Variants in DIXDC1 observed in about 807,000 individuals in gnomAD.
DIXDC1 encodes the protein dixin.
DIXDC1 carries 64 observed loss-of-function variants against 103.1 expected under a neutral mutation model. The observed-to-expected ratio is 0.62, with a 90% confidence interval of 0.51 to 0.76. DIXDC1 has a LOEUF of 0.76. Ranked by LOEUF, DIXDC1 falls within the 30% of genes least tolerant of loss-of-function variation. DIXDC1 has a pLI of 0.00. For synonymous variants in DIXDC1, 266 were observed against 298.5 expected, an observed-to-expected ratio of 0.89 and a Z score of 1.12; for missense variants, 759 against 834.2, an observed-to-expected ratio of 0.91 and a Z score of 1.11.
Position 111,937,436 on chromosome 11 carries a change from G to A in DIXDC1, c.-64G>A, listed in dbSNP as rs1966244671. The A allele has an allele frequency of 1.2e-5, 18 of 1,547,226 alleles. No individual in the cohort carries two copies. The highest frequency in any genetic ancestry group is 1.6e-5 in the Non-Finnish European group (18 of 1,145,572). ...CCGAGAGCCTTTGTGTGCAGAGGGA[G>A]GAGGAGGAGGCGGCGGCGGCCGCCG... On this transcript the variant is annotated 5_prime_UTR_variant, in exon 1 of 20. Transcript: ENST00000440460.
rs1202193877 is a variant in DIXDC1, at chr11:112,020,150, G to A, written c.*1114G>A. ...GTAAAAAAAACCTAGAATCATTTCT[G>A]ATGTGCAACATTGTCAAGTGAAGAA... On this transcript the variant is annotated 3_prime_UTR_variant, in exon 20 of 20. Transcript: ENST00000440460. 6.6e-6 allele frequency: 1 copy of A among 152,458 alleles called. No homozygotes were observed. The highest frequency in any genetic ancestry group is 2.4e-5 in the African/African-American group (1 of 41,414). 9.4% of individuals were successfully genotyped at this position (152,458 alleles called of 1,614,324 possible).
intron 8 of DIXDC1, 139 bp from the exon 9 acceptor site, chr11:111,986,732 A>G (rs1366036394): frequency 2.7e-5 from 16 of 594,242 alleles, no homozygotes; most frequent in Non-Finnish European, 4.3e-5. Context: ...CTTACATCAG[A>G]GAGCAGGAAC....
At chr11:111,999,146 G>T (rs1285308022) in intron 17 of DIXDC1, among the ~76,000 whole-genome samples, 1 of 152,154 alleles carries the variant, frequency 6.6e-6, no homozygotes, top group African/African-American at 2.4e-5. Flanking sequence ...CAAGGCAAAT[G>T]TTTCTCATTC....
intron 1 of DIXDC1, among the ~76,000 whole-genome samples, chr11:111,950,438 ATTTTTTTTTTTTTTTTTTT>A (rs59473485): frequency 8.6e-4 from 13 of 15,166 alleles, no homozygotes; most frequent in Non-Finnish European, 1.2e-3. Context: ...ATATATATAT[ATTTTTTTTTTTTTTTTTTT>A]TTTTTTTTTT....
chr11:111,962,156 T>C (rs1859601549), intron 1 of DIXDC1, among the ~76,000 whole-genome samples: 1 of 151,962 alleles, frequency 6.6e-6, no homozygotes, highest in Non-Finnish European at 1.5e-5. Context: ...GAAAGCTTTC[T>C]GAAAAAAGTG....
intron 1 of DIXDC1, among the ~76,000 whole-genome samples, chr11:111,956,227 G>A (rs1859360792): frequency 6.6e-6 from 1 of 152,114 alleles, no homozygotes; most frequent in Non-Finnish European, 1.5e-5. Flanking sequence ...TAAGTGGAGG[G>A]GGAATTTCAG....
chr11:111,944,194 G>T (rs1399605107), intron 1 of DIXDC1, among the ~76,000 whole-genome samples: 3 of 152,096 alleles, frequency 2.0e-5, no homozygotes, highest in African/African-American at 7.2e-5. Context: ...CAGGTATCTG[G>T]TTTCACTGTA....
intron 1 of DIXDC1, among the ~76,000 whole-genome samples, chr11:111,949,279 CT>C (rs1966697106): frequency 6.6e-6 from 1 of 152,040 alleles, no homozygotes; most frequent in African/African-American, 2.4e-5. Flanking sequence ...TGTGGAACAT[CT>C]ATACTCTGGT....
Position 111,977,848 on chromosome 11 carries a change from G to A in DIXDC1, c.656+2865G>A. The A allele has an allele frequency of 1.3e-6, 2 of 1,525,256 alleles. No homozygotes were observed. The highest frequency in any genetic ancestry group is 1.8e-6 in the Non-Finnish European group (2 of 1,134,794). The allele number at this position is 1,525,256 out of a possible 1,614,324, so 94.5% of individuals were successfully genotyped here. A position where few individuals can be genotyped will look rare whatever the true frequency, so the allele number is the denominator to read the frequency against. On this transcript the variant is annotated intron_variant, in intron 5 of 19. Transcript: ENST00000440460. This position sits in a 1 kb window ranked among gnomAD's most constrained non-coding sequence, Gnocchi z 6.1. ...GTGGGGGGCCTGGGTGGGAACAGGGGCAGGGCTGGAGGATGCTGTTGGCCG... is the reference window on the plus strand; with the variant it reads ...GTGGGGGGCCTGGGTGGGAACAGGGACAGGGCTGGAGGATGCTGTTGGCCG...
intron 2 of DIXDC1, among the ~76,000 whole-genome samples, chr11:111,966,381 C>T (rs782361545): frequency 8.7e-5 from 13 of 149,200 alleles, no homozygotes; most frequent in Non-Finnish European, 1.8e-4. Flanking sequence ...CACCACCACG[C>T]CAAGCTAATT....
At chr11:112,013,608 C>A (rs1349676851) in intron 17 of DIXDC1, among the ~76,000 whole-genome samples, 1 of 152,110 alleles carries the variant, frequency 6.6e-6, no homozygotes, top group African/African-American at 2.4e-5. Context: ...AAATCTCAGT[C>A]ATTGTTTACT....
chr11:112,008,692 G>C (rs1861316481), intron 17 of DIXDC1, among the ~76,000 whole-genome samples: 2 of 152,166 alleles, frequency 1.3e-5, no homozygotes, highest in African/African-American at 4.8e-5. Flanking sequence ...TGAACAACCT[G>C]CTCCTGAATG....
At position 111,995,513 on chromosome 11, in the gene DIXDC1, C is replaced by G; in HGVS notation, c.1638C>G (p.Ser546Arg). Residue 546 changes from serine (S) to arginine (R), a missense_variant, in exon 16 of 20, where the codon AGC becomes AGG. Coordinates refer to ENST00000440460, the MANE Select transcript of DIXDC1 (RefSeq NM_001037954.4). ...ACAGCTTGGAGCAGGGCATTTCTAGCCTCATGGAGCGCCTGCATGTTATGG... is the reference window on the plus strand; with the variant it reads ...ACAGCTTGGAGCAGGGCATTTCTAGGCTCATGGAGCGCCTGCATGTTATGG... ...TIDSLEQGIS[S>R]LMERLHVMET... 1 of 1,613,978 alleles carries G rather than the reference C, an allele frequency of 6.2e-7. No individual in the cohort carries two copies. The highest frequency in any genetic ancestry group is 1.1e-5 in the South Asian group (1 of 91,084).
Position 111,973,922 on chromosome 11 carries a change from T to C in DIXDC1, c.317-101T>C, listed in dbSNP as rs1860014621. ...TGAGACCCTGACTGCCTTGCTTACCTGTATCACTAGCAATATGTAATAAAT... is the reference window on the plus strand; with the variant it reads ...TGAGACCCTGACTGCCTTGCTTACCCGTATCACTAGCAATATGTAATAAAT... On this transcript the variant is annotated intron_variant, in intron 3 of 19. Transcript: ENST00000440460. 5.3e-6 allele frequency: 6 copies of C among 1,140,626 alleles called. No individual in the cohort carries two copies. In the South Asian group the frequency reaches 6.2e-5, roughly 12 times the overall value. 70.7% of individuals were successfully genotyped at this position (1,140,626 alleles called of 1,614,324 possible).
chr11:111,999,791 G>T (rs1861010524), intron 17 of DIXDC1, among the ~76,000 whole-genome samples: 1 of 151,986 alleles, frequency 6.6e-6, no homozygotes, highest in South Asian at 2.1e-4. Flanking sequence ...CTTGAAACCG[G>T]GAGGCAGAAG....
intron 1 of DIXDC1, among the ~76,000 whole-genome samples, chr11:111,944,013 A>C (rs1176692822): frequency 2.0e-5 from 3 of 152,234 alleles, no homozygotes; most frequent in African/African-American, 7.2e-5. Flanking sequence ...CAGGTTCAGT[A>C]AAGGGCTGAA....
intron 3 of DIXDC1, among the ~76,000 whole-genome samples, chr11:111,970,255 A>T (rs1859871802): frequency 6.6e-6 from 1 of 151,620 alleles, no homozygotes; most frequent in Non-Finnish European, 1.5e-5. Flanking sequence ...GGATTTCATC[A>T]TGTTGGCCAG....
upstream of DIXDC1, among the ~76,000 whole-genome samples, chr11:111,932,745 T>C (rs1966070954): frequency 6.6e-6 from 1 of 152,204 alleles, no homozygotes; most frequent in African/African-American, 2.4e-5. Context: ...ACTCAGTCTG[T>C]CACATTCATC....
intron 1 of DIXDC1, among the ~76,000 whole-genome samples, chr11:111,953,756 A>G (rs1555170304): frequency 6.6e-6 from 1 of 152,210 alleles, no homozygotes; most frequent in Non-Finnish European, 1.5e-5. Flanking sequence ...GAAGGAGTGG[A>G]AAAGGAAAGA....
Sources: gnomAD v4.1 joint callset for allele counts (sites outside exome capture counted in the v4.1 genomes callset) on GRCh38, gnomAD v4.1.1 for gene constraint, Gnocchi (gnomAD v3.1) non-coding constraint, MANE v1.5 for transcripts, NCBI Gene and HGNC (gene_info 2026-07-23, HGNC 2026-07-21) for gene names.